Variants in FSAF1 observed in about 807,000 individuals in gnomAD.
FSAF1 encodes uncharacterized protein C1orf131.
chr1:231,235,052 T>C, the FSAF1 span, among the ~76,000 whole-genome samples: 1 of 152,232 alleles, frequency 6.6e-6, no homozygotes, highest in Non-Finnish European at 1.5e-5. Context: ...TTGTACAGTA[T>C]ACTCCATAAA....
At chr1:231,232,217 C>T in the FSAF1 span, among the ~76,000 whole-genome samples, 11,792 of 152,246 alleles carry the variant, frequency 0.077, 540 homozygotes, top group Admixed American at 0.11. Flanking sequence ...TCTTTCCCCC[C>T]ATATTCTCTG....
chr1:231,238,606 T>C, the FSAF1 span: 1 of 384,360 alleles, frequency 2.6e-6, no homozygotes, highest in Non-Finnish European at 4.7e-6. Flanking sequence ...AGACAGTTTA[T>C]ACTAGCAATG....
chr1:231,240,857 C>T, the FSAF1 span, among the ~76,000 whole-genome samples: 3 of 152,202 alleles, frequency 2.0e-5, no homozygotes, highest in Non-Finnish European at 4.4e-5. The surrounding 1 kb of genome is among the most constrained non-coding windows in gnomAD (Gnocchi z 4.1). Flanking sequence ...CGAGGGGTGA[C>T]TTCCGATGGA....
chr1:231,240,306 A>G, the FSAF1 span, among the ~76,000 whole-genome samples: 2 of 152,226 alleles, frequency 1.3e-5, no homozygotes, highest in African/African-American at 2.4e-5. The surrounding 1 kb of genome is among the most constrained non-coding windows in gnomAD (Gnocchi z 4.1). Flanking sequence ...CCAAAATAAA[A>G]ATAGCTTTTA....
the FSAF1 span, among the ~76,000 whole-genome samples, chr1:231,240,808 G>A: frequency 6.6e-6 from 1 of 152,160 alleles, no homozygotes; most frequent in Non-Finnish European, 1.5e-5. The surrounding 1 kb of genome is among the most constrained non-coding windows in gnomAD (Gnocchi z 4.1). Flanking sequence ...ACTTGGGGAC[G>A]AGTTGGAAGG....
the FSAF1 span, among the ~76,000 whole-genome samples, chr1:231,228,319 C>G: frequency 6.6e-6 from 1 of 152,180 alleles, no homozygotes; most frequent in Non-Finnish European, 1.5e-5. Flanking sequence ...TGAGTGCAGA[C>G]CAGGCGTGGT....
the FSAF1 span, among the ~76,000 whole-genome samples, chr1:231,230,983 C>T: frequency 7.9e-5 from 12 of 152,208 alleles, no homozygotes; most frequent in East Asian, 7.7e-4. Flanking sequence ...ACTGGCTCTC[C>T]GTGGGCTTGG....
chr1:231,233,626 C>CATGCA, the FSAF1 span, among the ~76,000 whole-genome samples: 5 of 152,126 alleles, frequency 3.3e-5, no homozygotes, highest in African/African-American at 9.7e-5. Flanking sequence ...AATCTCGACT[C>CATGCA]ACTGCAAACT....
the FSAF1 span, chr1:231,225,343 G>T: frequency 1.2e-6 from 1 of 841,352 alleles, no homozygotes; most frequent in Non-Finnish European, 2.0e-6. Context: ...CTTTGACAAG[G>T]ATAAATGAGA....
At chr1:231,240,890 C>G in the FSAF1 span, 3 of 779,526 alleles carry the variant, frequency 3.8e-6, no homozygotes, top group South Asian at 1.6e-5. This position sits in a 1 kb window ranked among gnomAD's most constrained non-coding sequence, Gnocchi z 4.1. Context: ...CTACTGGAAC[C>G]AGGTGGGACG....
chr1:231,225,749 G>A, the FSAF1 span: 75 of 539,236 alleles, frequency 1.4e-4, no homozygotes, highest in South Asian at 1.6e-3. Context: ...AGCACTCCAG[G>A]AAGCCAAGGG....
the FSAF1 span, chr1:231,225,755 A>G: frequency 3.8e-6 from 2 of 531,984 alleles, no homozygotes; most frequent in Non-Finnish European, 6.7e-6. Context: ...CCAGGAAGCC[A>G]AGGGGGGAGG....
chr1:231,225,307 G>T, the FSAF1 span: 1 of 632,006 alleles, frequency 1.6e-6, no homozygotes, highest in South Asian at 2.2e-5. Flanking sequence ...GCAGTTGTTT[G>T]ATCTTGGGCA....
the FSAF1 span, chr1:231,237,245 G>C: frequency 1.3e-5 from 2 of 152,202 alleles, no homozygotes; most frequent in Admixed American, 6.5e-5. Context: ...AGATTATACA[G>C]ATGGTTTTTA....
the FSAF1 span, among the ~76,000 whole-genome samples, chr1:231,232,333 T>G: frequency 6.6e-6 from 1 of 152,116 alleles, no homozygotes; most frequent in Non-Finnish European, 1.5e-5. Context: ...AATGCCTAGG[T>G]GGCTTTCCCT....
the FSAF1 span, chr1:231,226,765 C>A: frequency 1.2e-6 from 2 of 1,609,998 alleles, no homozygotes; most frequent in Non-Finnish European, 1.7e-6. Context: ...TCCTTTGCTG[C>A]CTTTTTTTCT....
chr1:231,240,539 A>C, the FSAF1 span, among the ~76,000 whole-genome samples: 1 of 152,158 alleles, frequency 6.6e-6, no homozygotes, highest in Non-Finnish European at 1.5e-5. The surrounding 1 kb of genome is among the most constrained non-coding windows in gnomAD (Gnocchi z 4.1). Flanking sequence ...CTTGTTTAAA[A>C]AAAAAAAAGT....
At chr1:231,227,032 A>G in the FSAF1 span, 19 of 1,614,026 alleles carry the variant, frequency 1.2e-5, no homozygotes, top group East Asian at 3.8e-4. Context: ...CCTTTTCCAT[A>G]ACCCGTGATA....
At chr1:231,235,753 T>C in the FSAF1 span, among the ~76,000 whole-genome samples, 1,234 of 152,262 alleles carry the variant, frequency 8.1e-3, 12 homozygotes, top group Non-Finnish European at 0.011. Flanking sequence ...CAGTGAGCTA[T>C]GATCACACCA....
Sources: gnomAD v4.1 joint callset for allele counts (sites outside exome capture counted in the v4.1 genomes callset) on GRCh38, gnomAD v4.1.1 for gene constraint, Gnocchi (gnomAD v3.1) non-coding constraint, MANE v1.5 for transcripts, NCBI Gene and HGNC (gene_info 2026-07-23, HGNC 2026-07-21) for gene names.